Variants in IFT43 observed in about 807,000 individuals in gnomAD.
IFT43 encodes intraflagellar transport 43.
A neutral mutation model predicts 32.3 loss-of-function variants in IFT43; 33 were observed. That is an observed-to-expected ratio of 1.02 (90% CI 0.77 to 1.37). IFT43 has a LOEUF of 1.37. Ranked by LOEUF, IFT43 falls within the 40% of genes most tolerant of loss-of-function variation. The pLI is 0.00. For missense variants in IFT43, 274 were observed against 265.9 expected (o/e 1.03, Z -0.21); for synonymous variants, 93 against 98.2 (o/e 0.95, Z 0.31).
chr14:76,023,171 A>G (rs116348918), intron 3 of IFT43, among the ~76,000 whole-genome samples: 2,133 of 152,344 alleles, frequency 0.014, 57 homozygotes, highest in African/African-American at 0.044. Flanking sequence ...GTTGGGTAAG[A>G]TGTTTACCAT....
intron 3 of IFT43, among the ~76,000 whole-genome samples, chr14:76,045,764 A>C (rs2036796666): frequency 6.6e-6 from 1 of 152,154 alleles, no homozygotes; most frequent in African/African-American, 2.4e-5. Context: ...TCTTAGCAAG[A>C]ATTTGTTTTT....
chr14:76,055,941 A>G (rs748473935), intron 3 of IFT43, among the ~76,000 whole-genome samples: 3 of 152,180 alleles, frequency 2.0e-5, no homozygotes, highest in Non-Finnish European at 2.9e-5. Flanking sequence ...TTTGGGAGCA[A>G]TGCGGGGTCG....
chr14:76,040,242 G>A (rs1424180158), intron 3 of IFT43, among the ~76,000 whole-genome samples: 1 of 152,156 alleles, frequency 6.6e-6, no homozygotes, highest in African/African-American at 2.4e-5. Flanking sequence ...GAGTCACTGT[G>A]CCTGGCTGAA....
At chr14:75,999,868 T>A (rs995758734) in intron 2 of IFT43, among the ~76,000 whole-genome samples, 1 of 152,248 alleles carries the variant, frequency 6.6e-6, no homozygotes, top group Admixed American at 6.5e-5. Context: ...GAGTTTGTTT[T>A]CTATGTTGTA....
At position 76,027,333 on chromosome 14, in the gene IFT43, A is replaced by ACCC. The variant is rs56836132; in HGVS notation, c.215+4943_215+4945dup. On this transcript the variant is annotated intron_variant, in intron 3 of 8. Coordinates refer to ENST00000314067, the MANE Select transcript of IFT43 (RefSeq NM_001102564.3). ...TTTTTCTCCCTCCCCCTTCCCCAAC[A>ACCC]CCCCCCACACACACACTTTTTCCCA... Among the ~76,000 whole-genome samples, 219 of 124,614 alleles carry ACCC rather than the reference A, an allele frequency of 1.8e-3. 1 individual carries two copies. The highest frequency in any genetic ancestry group is 9.2e-4 in the Admixed American group (12 of 13,092). 81.8% of individuals were successfully genotyped at this position (124,614 alleles called of 152,430 possible).
In IFT43 at chr14:76,016,341, T is replaced by G. The variant is rs183064513; in HGVS notation, c.148-5986T>G. On this transcript the variant is annotated intron_variant, in intron 2 of 8. Coordinates refer to ENST00000314067, the MANE Select transcript of IFT43 (RefSeq NM_001102564.3). ...TCTTTCCCTAATATGTTGTAGGTGT[T>G]GTTTTCAAAAATCGTTTGGCTAGAA... 6.2e-4 allele frequency among the ~76,000 whole-genome samples: 95 copies of G among 152,258 alleles called. 3 individuals carry two copies. Among genetic ancestry groups the G allele is most frequent in the Admixed American group, 5.7e-3 (87 of 15,294 alleles).
rs755924583 is a variant in IFT43, at chr14:76,059,382, C to T, written c.295+9C>T. ...ATCAGATTATGGAGGAGGTAAGAGG[C>T]CCTTGGAGGAAGTCAAAAGGTCTTC... On this transcript the variant is annotated intron_variant, in intron 5 of 8. Transcript: ENST00000314067. The T allele has an allele frequency of 6.2e-7, 1 of 1,612,830 alleles. No individual in the cohort carries two copies. Among genetic ancestry groups the T allele is most frequent in the Non-Finnish European group, 8.5e-7 (1 of 1,179,506 alleles).
chr14:76,074,763 A>G (rs2037382714), intron 5 of IFT43, among the ~76,000 whole-genome samples: 1 of 152,214 alleles, frequency 6.6e-6, no homozygotes, highest in Non-Finnish European at 1.5e-5. Flanking sequence ...TAGTGTCTCC[A>G]GAGCCAAGTC....
intron 3 of IFT43, among the ~76,000 whole-genome samples, chr14:76,026,307 C>G (rs2036393139): frequency 6.6e-6 from 1 of 152,016 alleles, no homozygotes. Context: ...GCCTGTAATC[C>G]CAGCACTTTG....
rs181587514 is a variant in IFT43, at chr14:76,046,299, G to A, written c.216-12343G>A. ...GCTGGTGCGGAGGCTTTGTGAGCGG[G>A]ATAAAATGTTTCTCATGTGGGGCTG... On this transcript the variant is annotated intron_variant, in intron 3 of 8. Transcript: ENST00000314067. 1.0e-3 allele frequency among the ~76,000 whole-genome samples: 156 copies of A among 152,240 alleles called. 1 individual carries two copies. Among genetic ancestry groups the A allele is most frequent in the Admixed American group, 3.2e-3 (49 of 15,288 alleles).
intron 2 of IFT43, among the ~76,000 whole-genome samples, chr14:75,992,380 T>C (rs1031435613): frequency 6.6e-6 from 1 of 152,192 alleles, no homozygotes; most frequent in Non-Finnish European, 1.5e-5. Context: ...TTCAATAAAT[T>C]AGTGAATAAA....
At chr14:76,002,335 C>G (rs1183673252) in intron 2 of IFT43, among the ~76,000 whole-genome samples, 2 of 144,028 alleles carry the variant, frequency 1.4e-5, no homozygotes, top group South Asian at 2.3e-4. Context: ...GACATTCCAA[C>G]CATAGCAAGG....
At chr14:75,988,830 C>T in intron 1 of IFT43, 55 bp from the exon 2 acceptor site, 2 of 1,612,168 alleles carry the variant, frequency 1.2e-6, no homozygotes, top group Non-Finnish European at 1.7e-6. Flanking sequence ...ATTGTCATCT[C>T]AGTAGTGGCC....
intron 2 of IFT43, among the ~76,000 whole-genome samples, chr14:75,999,912 C>T (rs548199489): frequency 1.1e-4 from 16 of 152,318 alleles, no homozygotes; most frequent in Non-Finnish European, 1.8e-4. Flanking sequence ...CAAAGAATGA[C>T]GTTACCAACT....
intron 2 of IFT43, among the ~76,000 whole-genome samples, chr14:76,000,410 G>C (rs1973865): frequency 1.3e-5 from 2 of 151,516 alleles, no homozygotes; most frequent in Non-Finnish European, 2.9e-5. Context: ...GACTACAGGC[G>C]CCTGCCACCA....
chr14:76,082,738 G>A (rs370862112), intron 7 of IFT43, 46 bp downstream of exon 7: 4 of 1,339,392 alleles, frequency 3.0e-6, no homozygotes, highest in Non-Finnish European at 4.3e-6. Context: ...CCAAGCAATG[G>A]GCTTCAATCC....
In IFT43 at chr14:76,038,471, G is replaced by T. The variant is rs575181932; in HGVS notation, c.215+16077G>T. ...TCATATCTTTTTAATGTACATCTTA[G>T]ATTTGTTTATTCTAGGTAGGCTCCC... On this transcript the variant is annotated intron_variant, in intron 3 of 8. Transcript: ENST00000314067. Among the ~76,000 whole-genome samples the T allele has an allele frequency of 5.3e-5, 8 of 152,272 alleles. No individual in the cohort carries two copies. In the South Asian group the frequency reaches 1.7e-3, roughly 32 times the overall value.
rs774543923 is a variant in IFT43 at position 76,083,256 on chromosome 14, CA to C, written c.477del (p.Val160CysfsTer82). On this transcript the variant is annotated frameshift_variant, in exon 8 of 9. Coordinates refer to ENST00000314067, the MANE Select transcript of IFT43 (RefSeq NM_001102564.3). LOFTEE classifies it high-confidence loss of function. The stretch of plus-strand genomic sequence containing the variant: ...GGGAGATCGACCTGAAACTCCTCAC[CA>C]AAGTGCTCGCGCCGGAGCACGAAGT... ...DGEIDLKLLT[K>X]VLAPEHEVRE... The C allele has an allele frequency of 6.2e-7, 1 of 1,613,964 alleles. No individual in the cohort carries two copies. The highest frequency in any genetic ancestry group is 1.3e-5 in the African/African-American group (1 of 74,898).
chr14:76,083,566 AG>A lies in IFT43; in HGVS notation c.618del (p.Arg206SerfsTer36). ...GAAGGAGGACCCTGCGGGGCAGGCCAGGCACACCTGAGCCCGTCACCCATGC... is the reference window on the plus strand; with the variant it reads ...GAAGGAGGACCCTGCGGGGCAGGCCAGCACACCTGAGCCCGTCACCCATGC... Reference protein sequence around the residue: ...TEKEDPAGQARHT With the variant: ...TEKEDPAGQAXHT On this transcript the variant is annotated frameshift_variant, in exon 9 of 9. Coordinates refer to ENST00000314067, the MANE Select transcript of IFT43 (RefSeq NM_001102564.3). LOFTEE classifies it high-confidence loss of function. 6.2e-7 allele frequency: 1 copy of A among 1,614,064 alleles called. No individual in the cohort carries two copies. The highest frequency in any genetic ancestry group is 8.5e-7 in the Non-Finnish European group (1 of 1,180,032).
Sources: gnomAD v4.1 joint callset for allele counts (sites outside exome capture counted in the v4.1 genomes callset) on GRCh38, gnomAD v4.1.1 for gene constraint, MANE v1.5 for transcripts, NCBI Gene and HGNC (gene_info 2026-07-23, HGNC 2026-07-21) for gene names.